Variants in HNRNPU observed in about 807,000 individuals in gnomAD.
The protein encoded by HNRNPU is heterogeneous nuclear ribonucleoprotein U.
In HNRNPU, 5 loss-of-function variants were observed where a neutral mutation model predicts 94.7. The ratio of observed to expected loss-of-function variants is 0.05; its 90% CI spans 0.03 to 0.11. The LOEUF (loss-of-function observed/expected upper bound fraction) is 0.11. HNRNPU is among the 10% of genes least tolerant of loss of function. The probability of loss-of-function intolerance (pLI) is 1.00; values close to 1 mark genes in which losing one functional copy is unlikely to be tolerated. For synonymous variants in HNRNPU, 434 were observed against 381.6 expected, an observed-to-expected ratio of 1.14 and a Z score of -1.60; for missense variants, 710 against 1,049.2, an observed-to-expected ratio of 0.68 and a Z score of 4.47.
In HNRNPU at chr1:244,852,141, ACTT is replaced by A. The variant is rs1292143325; in HGVS notation, c.*2306_*2308del. On this transcript the variant is annotated 3_prime_UTR_variant, in exon 14 of 14. Transcript: ENST00000640218. ...AAATCAGGTTTCTCGTTCGTATCTT[ACTT>A]CTTACCTAATTTTCTCCCTGTTGCT... 5 of 152,286 alleles carry A rather than the reference ACTT, an allele frequency of 3.3e-5. No individual in the cohort carries two copies. The highest frequency in any genetic ancestry group is 1.9e-4 in the East Asian group (1 of 5,190). The allele number at this position is 152,286 out of a possible 1,614,324, so 9.4% of individuals were successfully genotyped here. A position where few individuals can be genotyped will look rare whatever the true frequency, so the allele number is the denominator to read the frequency against.
At chr1:244,859,398 T>G in intron 4 of HNRNPU, 24 bp from the exon 5 acceptor site, 1 of 1,142,768 alleles carries the variant, frequency 8.8e-7, no homozygotes, top group Non-Finnish European at 1.3e-6. Flanking sequence ...CATTAAATAA[T>G]TAAAATAATA....
chr1:244,862,414 A>AAAT, intron 3 of HNRNPU, 47 bp downstream of exon 3: 1 of 1,298,126 alleles, frequency 7.7e-7, no homozygotes, highest in Non-Finnish European at 1.1e-6. Context: ...AAAAAAAAAA[A>AAAT]CCACCATCAC....
At chr1:244,862,973 G>A (rs1680879647) in intron 1 of HNRNPU, 4 of 552,992 alleles carry the variant, frequency 7.2e-6, no homozygotes, top group Non-Finnish European at 1.3e-5. Flanking sequence ...GAAAAACTGC[G>A]CGGCCCAGGC....
chr1:244,856,181 A>G (rs532488433), intron 10 of HNRNPU, 23 bp from the exon 11 acceptor site: 2 of 1,583,542 alleles, frequency 1.3e-6, no homozygotes, highest in East Asian at 2.3e-5. Flanking sequence ...AAGTCATATT[A>G]TTAATTTAGA....
intron 7 of HNRNPU, 36 bp downstream of exon 7, chr1:244,857,975 T>G (rs776255317): frequency 1.9e-5 from 30 of 1,561,218 alleles, no homozygotes; most frequent in African/African-American, 2.8e-5. Flanking sequence ...CAAGCAATAT[T>G]CAAATGCCAC....
Position 244,857,897 on chromosome 1 carries a change from T to G in HNRNPU, c.1494+114A>C. The G allele has an allele frequency of 3.1e-6, 4 of 1,308,694 alleles. No individual in the cohort carries two copies. The East Asian group carries it at 9.3e-5, about 30-fold the overall frequency. The allele number at this position is 1,308,694 out of a possible 1,614,324, so 81.1% of individuals were successfully genotyped here. A position where few individuals can be genotyped will look rare whatever the true frequency, so the allele number is the denominator to read the frequency against. On this transcript the variant is annotated intron_variant, in intron 7 of 13. Coordinates refer to ENST00000640218, the MANE Select transcript of HNRNPU (RefSeq NM_031844.3). ...GGGGGAAACAATTACTTAAGAGCAA[T>G]ATGCACAGCACAAAGTAAATGAAAC... is the stretch of plus-strand genomic sequence containing the variant.
Position 244,856,052 on chromosome 1 carries a change from G to A in HNRNPU, c.2019C>T (p.Ser673=), listed in dbSNP as rs1230506469. ...TCTTTTCTGGTGGAAGAGCCTTTTT[G>A]CTTTCTTCCTTATATTGCTCCAAGA... ...QKLLEQYKEE[S]KKALPPEKKQ... is the part of the protein sequence containing the mutation. The change falls in exon 11 of 14, where the codon AGC becomes AGT. Residue 673 remains serine (S), a synonymous_variant. Transcript: ENST00000640218. The A allele has an allele frequency of 6.2e-7, 1 of 1,613,852 alleles. No homozygotes were observed. Among genetic ancestry groups the A allele is most frequent in the Admixed American group, 1.7e-5 (1 of 60,000 alleles).
chr1:244,857,595 T>C lies in HNRNPU; in HGVS notation c.1614+3A>G. On this transcript the variant is annotated splice_donor_region_variant and intron_variant, in intron 8 of 13. Transcript: ENST00000640218. ...GAGATCAGGCCCTAAACATTTTACT[T>C]ACCATCATCTTATCCATAATAGTAT... The C allele has an allele frequency of 6.2e-7, 1 of 1,612,748 alleles. No homozygotes were observed. The highest frequency in any genetic ancestry group is 8.5e-7 in the Non-Finnish European group (1 of 1,179,220).
chr1:244,851,148 G>A lies in HNRNPU; in HGVS notation c.*3302C>T, dbSNP rs1420735717. ...TTTGAAAACAAGACATTTATGTATA[G>A]GAAGAGAATTATGGAAACACTTTGT... On this transcript the variant is annotated 3_prime_UTR_variant, in exon 14 of 14. Transcript: ENST00000640218. 6.6e-6 allele frequency: 1 copy of A among 152,136 alleles called. No individual in the cohort carries two copies. The highest frequency in any genetic ancestry group is 6.5e-5 in the Admixed American group (1 of 15,284). 9.4% of individuals were successfully genotyped at this position (152,136 alleles called of 1,614,324 possible).
intron 4 of HNRNPU, 125 bp downstream of exon 4, chr1:244,860,210 A>C (rs752478943): frequency 1.5e-6 from 1 of 685,718 alleles, no homozygotes; most frequent in Non-Finnish European, 2.4e-6. Context: ...TGAAGCAAGG[A>C]GAATCGCTTG....
intron 4 of HNRNPU, chr1:244,859,980 T>C (rs960500456): frequency 2.2e-5 from 4 of 182,828 alleles, no homozygotes; most frequent in Admixed American, 1.2e-4. Context: ...CTGGGCAACA[T>C]GGTGAGACCT....
rs1257142702 is a variant in HNRNPU, at chr1:244,863,840, G to A, written c.468C>T (p.Asn156=). Residue 156 remains asparagine, a synonymous_variant, in exon 1 of 14, where the codon AAC becomes AAT. Transcript: ENST00000640218. ...GDEEEGAGDE[N]GHGEQQPQPP... ...GTTGAGGCTGCTGCTCCCCGTGCCC[G>A]TTCTCGTCGCCCGCGCCTTCCTCTT... 3 of 1,612,342 alleles carry A rather than the reference G, an allele frequency of 1.9e-6. No individual in the cohort carries two copies. The highest frequency in any genetic ancestry group is 2.2e-5 in the East Asian group (1 of 44,752).
At position 244,853,342 on chromosome 1, in the gene HNRNPU, T is replaced by C. The variant is rs536504176; in HGVS notation, c.*1108A>G. The stretch of plus-strand genomic sequence containing the variant: ...AATAAATTTCTCCTCTTGGGAGTTA[T>C]ATAAAGGGATTTTGAACCTTGATGG... On this transcript the variant is annotated 3_prime_UTR_variant, in exon 14 of 14. Transcript: ENST00000640218. The C allele has an allele frequency of 2.6e-5, 4 of 152,602 alleles. No homozygotes were observed. Among genetic ancestry groups the C allele is most frequent in the Non-Finnish European group, 4.4e-5 (3 of 68,000 alleles). The allele number at this position is 152,602 out of a possible 1,614,324, so 9.5% of individuals were successfully genotyped here. A position where few individuals can be genotyped will look rare whatever the true frequency, so the allele number is the denominator to read the frequency against.
chr1:244,854,942 A>C (rs374739513), intron 13 of HNRNPU, 31 bp downstream of exon 13: 3 of 1,494,428 alleles, frequency 2.0e-6, no homozygotes, highest in African/African-American at 2.8e-5. Flanking sequence ...AATACAATTA[A>C]TGTACATAAA....
chr1:244,857,244 TTTC>T (rs1265790175), intron 8 of HNRNPU: 19 of 220,336 alleles, frequency 8.6e-5, no homozygotes, highest in Non-Finnish European at 1.5e-4. Context: ...TAATTTTTCT[TTTC>T]TTTTTTTTTT....
Position 244,863,395 on chromosome 1 carries a change from G to GAC in HNRNPU, c.691+220_691+221dup, listed in dbSNP as rs1177980110. 0.12 allele frequency among the ~76,000 whole-genome samples: 16,355 copies of GAC among 138,532 alleles called. 1,023 individuals are homozygous for GAC. Among genetic ancestry groups the GAC allele is most frequent in the East Asian group, 0.14 (633 of 4,422 alleles). 90.9% of individuals were successfully genotyped at this position (138,532 alleles called of 152,430 possible). On this transcript the variant is annotated intron_variant, in intron 1 of 13. Coordinates refer to ENST00000640218, the MANE Select transcript of HNRNPU (RefSeq NM_031844.3). ...ACATAATGGAGGCGCTGCCACCGCC[G>GAC]ACACACACACACACACACACACACA...
chr1:244,863,792 C>A lies in HNRNPU; in HGVS notation c.516G>T (p.Gln172His), dbSNP rs1393651101. The change falls in exon 1 of 14, where the codon CAG becomes CAT. Residue 172 changes from glutamine (Q) to histidine (H), a missense_variant. Coordinates refer to ENST00000640218, the MANE Select transcript of HNRNPU (RefSeq NM_031844.3). ...TGGCGGCCCCGCGCTGCTGTTGGGGCTGTTGCTGCTGCGTCGCCGGCGGTT... is the reference window on the plus strand; with the variant it reads ...TGGCGGCCCCGCGCTGCTGTTGGGGATGTTGCTGCTGCGTCGCCGGCGGTT... ...QPQPPATQQQ[Q>H]PQQQRGAAKE... 13 of 1,607,374 alleles carry A rather than the reference C, an allele frequency of 8.1e-6. No homozygotes were observed. The highest frequency in any genetic ancestry group is 1.1e-5 in the Non-Finnish European group (13 of 1,178,062).
chr1:244,862,555 CT>C, intron 2 of HNRNPU, 21 bp from the exon 3 acceptor site: 1 of 1,611,938 alleles, frequency 6.2e-7, no homozygotes, highest in Admixed American at 1.7e-5. Context: ...GAATTGTCTC[CT>C]GATACAGCTT....
chr1:244,856,291 TAAC>T, intron 10 of HNRNPU, 133 bp from the exon 11 acceptor site: 1 of 1,140,028 alleles, frequency 8.8e-7, no homozygotes, highest in Non-Finnish European at 1.2e-6. Flanking sequence ...TATGCATATG[TAAC>T]AACTGCAATT....
Sources: allele counts gnomAD v4.1 joint callset (sites outside exome capture counted in the v4.1 genomes callset), GRCh38; gene constraint gnomAD v4.1.1; transcripts MANE v1.5; gene names NCBI Gene and HGNC (gene_info 2026-07-23, HGNC 2026-07-21).